Variants in TMEM102 observed in about 807,000 individuals in gnomAD.
The protein encoded by TMEM102 is transmembrane protein 102, also known as DANGER family member 2B.
Under a neutral mutation model 26.8 loss-of-function variants are expected in TMEM102, and 28 were observed. The observed-to-expected ratio is 1.05, with a 90% CI of 0.77 to 1.43. The LOEUF (loss-of-function observed/expected upper bound fraction) is 1.43, where lower values mean the gene tolerates loss of function less well. Ranked by LOEUF, TMEM102 falls within the 40% of genes most tolerant of loss-of-function variation. TMEM102 has a pLI of 0.00. For synonymous variants in TMEM102, 306 were observed against 332.1 expected (o/e 0.92, Z 0.86); for missense variants, 677 against 705.6 (o/e 0.96, Z 0.46).
rs1567671361 is a variant in TMEM102, at chr17:7,435,967, G to T, written c.96G>T (p.Ala32=). 2 of 1,613,242 alleles carry T rather than the reference G, an allele frequency of 1.2e-6. No homozygotes were observed. The highest frequency in any genetic ancestry group is 1.1e-5 in the South Asian group (1 of 91,080). Residue 32 remains alanine, a synonymous_variant, in exon 2 of 3, where the codon GCG becomes GCT. Coordinates refer to ENST00000323206, the MANE Select transcript of TMEM102 (RefSeq NM_178518.3). ...CGGACATCGACTTCTGCTCCGGGGC[G>T]CAGCTGCAGGAATTGACCCAGCTGA... ...PLTDIDFCSG[A]QLQELTQLIQ...
rs555967670 is a variant in TMEM102, at chr17:7,437,299, G to A, written c.1320G>A (p.Glu440=). 1.3e-5 allele frequency: 20 copies of A among 1,548,884 alleles called. No individual in the cohort carries two copies. In the South Asian group the frequency reaches 1.6e-4, roughly 12 times the overall value. The change falls in exon 3 of 3, where the codon GAG becomes GAA. Residue 440 remains glutamate, a synonymous_variant. Transcript: ENST00000323206. The surrounding 1 kb of genome is among the most constrained non-coding windows in gnomAD (Gnocchi z 4.2). ...CCTGCTGCCTCGGGCTGCTAGACGAGCTCGGCCGAGTGCTCGAGGCCGGGA... is the reference window on the plus strand; with the variant it reads ...CCTGCTGCCTCGGGCTGCTAGACGAACTCGGCCGAGTGCTCGAGGCCGGGA... The part of the protein sequence containing the change: ...AGACCLGLLD[E]LGRVLEAGTL...
Position 7,436,432 on chromosome 17 carries a change from C to T in TMEM102, c.453C>T (p.Cys151=), listed in dbSNP as rs1174653013. 3 of 1,613,920 alleles carry T rather than the reference C, an allele frequency of 1.9e-6. No individual in the cohort carries two copies. The highest frequency in any genetic ancestry group is 2.5e-6 in the Non-Finnish European group (3 of 1,180,030). The change falls in exon 3 of 3, where the codon TGC becomes TGT. Residue 151 remains cysteine (C), a synonymous_variant. Coordinates refer to ENST00000323206, the MANE Select transcript of TMEM102 (RefSeq NM_178518.3). ...AGGTCTGCCTCCCAGAGATGGTGTGCGGAACCCCCATCCGGGAGATGTGGC... is the reference window on the plus strand; with the variant it reads ...AGGTCTGCCTCCCAGAGATGGTGTGTGGAACCCCCATCCGGGAGATGTGGC... The part of the protein sequence containing the change: ...YAQVCLPEMV[C]GTPIREMWQD...
In TMEM102 at chr17:7,436,735, G is replaced by A. The variant is rs749535709; in HGVS notation, c.756G>A (p.Ser252=). Reference sequence around the variant, plus strand: ...TCGAAAGCCCAGTCCCAAAGCCGTCGGAGGCTCGGGAAGCGTGGCCCACAT... The same window carrying A: ...TCGAAAGCCCAGTCCCAAAGCCGTCAGAGGCTCGGGAAGCGTGGCCCACAT... ...AAVESPVPKP[S]EAREAWPTLC... Residue 252 remains serine (S), a synonymous_variant, in exon 3 of 3, where the codon TCG becomes TCA. Coordinates refer to ENST00000323206, the MANE Select transcript of TMEM102 (RefSeq NM_178518.3). 65 of 1,613,708 alleles carry A rather than the reference G, an allele frequency of 4.0e-5. No homozygotes were observed. In the Middle Eastern group the frequency reaches 6.6e-4, roughly 16 times the overall value.
At chr17:7,435,780 C>G in intron 1 of TMEM102, 73 bp from the exon 2 acceptor site, 1 of 1,219,300 alleles carries the variant, frequency 8.2e-7, no homozygotes, top group South Asian at 1.4e-5. Flanking sequence ...GGCACTCGCT[C>G]GGCCTCAGGA....
rs1908106475 is a variant in TMEM102 at position 7,437,533 on chromosome 17, G to A, written c.*27G>A. 7.6e-7 allele frequency: 1 copy of A among 1,320,244 alleles called. No individual in the cohort carries two copies. The highest frequency in any genetic ancestry group is 2.2e-4 in the Middle Eastern group (1 of 4,450). The allele number at this position is 1,320,244 out of a possible 1,614,324, so 81.8% of individuals were successfully genotyped here. A position where few individuals can be genotyped will look rare whatever the true frequency, so the allele number is the denominator to read the frequency against. On this transcript the variant is annotated 3_prime_UTR_variant, in exon 3 of 3. Coordinates refer to ENST00000323206, the MANE Select transcript of TMEM102 (RefSeq NM_178518.3). The surrounding 1 kb of genome is among the most constrained non-coding windows in gnomAD (Gnocchi z 4.2). ...GACGCTGTTCCTACCAGTGGAAAGT[G>A]CCTCTGTGGGCGAGCGGGACGTGGG...
chr17:7,437,627 A>C lies in TMEM102; in HGVS notation c.*121A>C, dbSNP rs1908114369. 3 of 715,506 alleles carry C rather than the reference A, an allele frequency of 4.2e-6. No individual in the cohort carries two copies. Among genetic ancestry groups the C allele is most frequent in the South Asian group, 7.3e-5 (2 of 27,494 alleles). The allele number at this position is 715,506 out of a possible 1,614,324, so 44.3% of individuals were successfully genotyped here. On this transcript the variant is annotated 3_prime_UTR_variant, in exon 3 of 3. Transcript: ENST00000323206. This position sits in a 1 kb window ranked among gnomAD's most constrained non-coding sequence, Gnocchi z 4.2. The stretch of plus-strand genomic sequence containing the variant: ...GGGCCTGAAGCCCCCCTTCTGGAAG[A>C]CCTCCCTGTTGGTTCCTCCTCTACG...
Position 7,437,178 on chromosome 17 carries a change from C to G in TMEM102, c.1199C>G (p.Thr400Ser), listed in dbSNP as rs1597739747. The G allele has an allele frequency of 6.7e-7, 1 of 1,490,800 alleles. No homozygotes were observed. The highest frequency in any genetic ancestry group is 8.9e-7 in the Non-Finnish European group (1 of 1,128,642). 92.3% of individuals were successfully genotyped at this position (1,490,800 alleles called of 1,614,324 possible). A position where few individuals can be genotyped will look rare whatever the true frequency, so the allele number is the denominator to read the frequency against. The change falls in exon 3 of 3, where the codon ACC (threonine) becomes AGC (serine). Residue 400 changes from threonine to serine, a missense_variant. Thr to Ser is a moderately conservative substitution (Grantham distance 58). Transcript: ENST00000323206. The surrounding 1 kb of genome is among the most constrained non-coding windows in gnomAD (Gnocchi z 4.2). Reference sequence around the variant, plus strand: ...CTACTGCGCCCGCTGGTGGCCGGGACCCGGGCGGCGGCGCCCTACCTCCTG... The same window carrying G: ...CTACTGCGCCCGCTGGTGGCCGGGAGCCGGGCGGCGGCGCCCTACCTCCTG... ...QALLRPLVAG[T>S]RAAAPYLLRT...
chr17:7,436,003 G>A lies in TMEM102; in HGVS notation c.132G>A (p.Leu44=), dbSNP rs777331968. Residue 44 remains leucine (L), a synonymous_variant, in exon 2 of 3, where the codon CTG becomes CTA. Transcript: ENST00000323206. ...AATTGACCCAGCTGATCCAGGAGCT[G>A]GGTGTGCAGGAGAGCTGGAGTGACG... ...LQELTQLIQE[L]GVQESWSDGP... 7 of 1,613,556 alleles carry A rather than the reference G, an allele frequency of 4.3e-6. No homozygotes were observed. The Admixed American group carries it at 6.7e-5, about 15-fold the overall frequency.
At position 7,437,566 on chromosome 17, in the gene TMEM102, G is replaced by A. The variant is rs966908113; in HGVS notation, c.*60G>A. 8 of 1,181,982 alleles carry A rather than the reference G, an allele frequency of 6.8e-6. No individual in the cohort carries two copies. In the African/African-American group the frequency reaches 9.7e-5, roughly 14 times the overall value. 73.2% of individuals were successfully genotyped at this position (1,181,982 alleles called of 1,614,324 possible). A position where few individuals can be genotyped will look rare whatever the true frequency, so the allele number is the denominator to read the frequency against. ...GGGCGAGCGGGACGTGGGGGGCCCTGCTCGCCCCTCGCCAGGGGGACTGAC... is the reference window on the plus strand; with the variant it reads ...GGGCGAGCGGGACGTGGGGGGCCCTACTCGCCCCTCGCCAGGGGGACTGAC... On this transcript the variant is annotated 3_prime_UTR_variant, in exon 3 of 3. Coordinates refer to ENST00000323206, the MANE Select transcript of TMEM102 (RefSeq NM_178518.3). This position sits in a 1 kb window ranked among gnomAD's most constrained non-coding sequence, Gnocchi z 4.2.
Position 7,437,107 on chromosome 17 carries a change from G to T in TMEM102, c.1128G>T (p.Ala376=). ...CCCGCCAGGAGCTGGCGCTCAAAGC[G>T]CGCATACCAGCGCCGCTGCTGCAGG... ...CFARQELALK[A]RIPAPLLQAH... Residue 376 remains alanine (A), a synonymous_variant, in exon 3 of 3, where the codon GCG becomes GCT. Coordinates refer to ENST00000323206, the MANE Select transcript of TMEM102 (RefSeq NM_178518.3). The surrounding 1 kb of genome is among the most constrained non-coding windows in gnomAD (Gnocchi z 4.2). 1 of 1,473,736 alleles carries T rather than the reference G, an allele frequency of 6.8e-7. No individual in the cohort carries two copies. Among genetic ancestry groups the T allele is most frequent in the Non-Finnish European group, 8.9e-7 (1 of 1,125,242 alleles). The allele number at this position is 1,473,736 out of a possible 1,614,324, so 91.3% of individuals were successfully genotyped here. A position where few individuals can be genotyped will look rare whatever the true frequency, so the allele number is the denominator to read the frequency against.
At position 7,436,763 on chromosome 17, in the gene TMEM102, T is replaced by G. The variant is rs779491141; in HGVS notation, c.784T>G (p.Cys262Gly). Residue 262 changes from cysteine (C) to glycine (G), a missense_variant, in exon 3 of 3, where the codon TGT (cysteine) becomes GGT (glycine). Transcript: ENST00000323206. ...SEAREAWPTL[C>G]SAQVAAWFFA... The stretch of plus-strand genomic sequence containing the variant: ...GGCTCGGGAAGCGTGGCCCACATTA[T>G]GTTCCGCCCAGGTGGCTGCCTGGTT... The G allele has an allele frequency of 6.2e-7, 1 of 1,613,728 alleles. No homozygotes were observed. The highest frequency in any genetic ancestry group is 8.5e-7 in the Non-Finnish European group (1 of 1,180,034).
In TMEM102 at chr17:7,437,321, G is replaced by A. The variant is rs778366959; in HGVS notation, c.1342G>A (p.Gly448Arg). 6.4e-7 allele frequency: 1 copy of A among 1,562,260 alleles called. No individual in the cohort carries two copies. The highest frequency in any genetic ancestry group is 8.6e-7 in the Non-Finnish European group (1 of 1,157,078). The change falls in exon 3 of 3, where the codon GGG becomes AGG. Residue 448 changes from glycine to arginine, a missense_variant. Transcript: ENST00000323206. The surrounding 1 kb of genome is among the most constrained non-coding windows in gnomAD (Gnocchi z 4.2). The stretch of plus-strand genomic sequence containing the variant: ...CGAGCTCGGCCGAGTGCTCGAGGCC[G>A]GGACGTTGCCTCACTATTTTCTGAA... The part of the protein sequence containing the change: ...LDELGRVLEA[G>R]TLPHYFLNGR...
rs192646505 is a variant in TMEM102 at position 7,437,392 on chromosome 17, A to G, written c.1413A>G (p.Gly471=). The G allele has an allele frequency of 1.0e-3, 1,610 of 1,547,074 alleles. 16 individuals are homozygous for G. The East Asian group carries it at 0.023, about 22-fold the overall frequency. The change falls in exon 3 of 3, where the codon GGA becomes GGG. Residue 471 remains glycine (G), a synonymous_variant. Transcript: ENST00000323206. This position sits in a 1 kb window ranked among gnomAD's most constrained non-coding sequence, Gnocchi z 4.2. The stretch of plus-strand genomic sequence containing the variant: ...GGGACGACTCCGCTGCGCTGCTCGG[A>G]GAATTGGCCCGGCTCCGCGGGGACC... ...RTGDDSAALL[G]ELARLRGDPA...
rs1379938552 is a variant in TMEM102, at chr17:7,436,671, C to G, written c.692C>G (p.Pro231Arg). 1.2e-6 allele frequency: 2 copies of G among 1,613,864 alleles called. No homozygotes were observed. The highest frequency in any genetic ancestry group is 3.3e-5 in the Admixed American group (2 of 60,020). ...GTCGTCGACCTTGGCTCTACCGCAC[C>G]TTTGAAAACAATGAGTAGTGACGTC... Reference protein sequence around the residue: ...HDVVDLGSTAPLKTMSSDVTK... With the variant: ...HDVVDLGSTARLKTMSSDVTK... Residue 231 changes from proline to arginine, a missense_variant, in exon 3 of 3, where the codon CCT becomes CGT. Physicochemically the swap from Pro to Arg is moderately radical, Grantham distance 103. Coordinates refer to ENST00000323206, the MANE Select transcript of TMEM102 (RefSeq NM_178518.3).
chr17:7,437,197 C>T lies in TMEM102; in HGVS notation c.1218C>T (p.Tyr406=), dbSNP rs2044995288. The change falls in exon 3 of 3, where the codon TAC becomes TAT. Residue 406 remains tyrosine, a synonymous_variant. Coordinates refer to ENST00000323206, the MANE Select transcript of TMEM102 (RefSeq NM_178518.3). This position sits in a 1 kb window ranked among gnomAD's most constrained non-coding sequence, Gnocchi z 4.2. Reference sequence around the variant, plus strand: ...CCGGGACCCGGGCGGCGGCGCCCTACCTCCTGCGGACGCTGCTGTACTGGG... The same window carrying T: ...CCGGGACCCGGGCGGCGGCGCCCTATCTCCTGCGGACGCTGCTGTACTGGG... The part of the protein sequence containing the change: ...LVAGTRAAAP[Y]LLRTLLYWAC... 1 of 1,502,768 alleles carries T rather than the reference C, an allele frequency of 6.7e-7. No individual in the cohort carries two copies. Among genetic ancestry groups the T allele is most frequent in the African/African-American group, 1.5e-5 (1 of 68,392 alleles). The allele number at this position is 1,502,768 out of a possible 1,614,324, so 93.1% of individuals were successfully genotyped here.
chr17:7,436,564 C>A lies in TMEM102; in HGVS notation c.585C>A (p.Ser195Arg). ...DWQSSVDQPH[S>R]YVTEHEAPVS... Reference sequence around the variant, plus strand: ...AAAGCTCTGTAGACCAGCCGCACAGCTACGTCACTGAGCACGAGGCGCCGG... The same window carrying A: ...AAAGCTCTGTAGACCAGCCGCACAGATACGTCACTGAGCACGAGGCGCCGG... Residue 195 changes from serine to arginine, a missense_variant, in exon 3 of 3, where the codon AGC (serine) becomes AGA (arginine). Physicochemically the swap from Ser to Arg is moderately radical, Grantham distance 110. Transcript: ENST00000323206. 6.2e-7 allele frequency: 1 copy of A among 1,614,094 alleles called. No homozygotes were observed. The highest frequency in any genetic ancestry group is 1.6e-4 in the Middle Eastern group (1 of 6,062).
Position 7,437,440 on chromosome 17 carries a change from G to T in TMEM102, c.1461G>T (p.Ala487=). The T allele has an allele frequency of 6.8e-7, 1 of 1,461,040 alleles. No homozygotes were observed. The highest frequency in any genetic ancestry group is 9.0e-7 in the Non-Finnish European group (1 of 1,107,130). The allele number at this position is 1,461,040 out of a possible 1,614,324, so 90.5% of individuals were successfully genotyped here. A position where few individuals can be genotyped will look rare whatever the true frequency, so the allele number is the denominator to read the frequency against. Reference sequence around the variant, plus strand: ...ACCCGGCCCGGGCCCTCCGTGCCGCGGTGGAGGAGGCCAAAGTGGCCCGCA... The same window carrying T: ...ACCCGGCCCGGGCCCTCCGTGCCGCTGTGGAGGAGGCCAAAGTGGCCCGCA... ...RGDPARALRA[A]VEEAKVARKG... is the part of the protein sequence containing the mutation. Residue 487 remains alanine, a synonymous_variant, in exon 3 of 3, where the codon GCG becomes GCT. Transcript: ENST00000323206. The surrounding 1 kb of genome is among the most constrained non-coding windows in gnomAD (Gnocchi z 4.2).
In TMEM102 at chr17:7,437,401, C is replaced by T. The variant is rs369868893; in HGVS notation, c.1422C>T (p.Ala474=). ...CCGCTGCGCTGCTCGGAGAATTGGCCCGGCTCCGCGGGGACCCGGCCCGGG... is the reference window on the plus strand; with the variant it reads ...CCGCTGCGCTGCTCGGAGAATTGGCTCGGCTCCGCGGGGACCCGGCCCGGG... ...DDSAALLGEL[A]RLRGDPARAL... The change falls in exon 3 of 3, where the codon GCC becomes GCT. Residue 474 remains alanine (A), a synonymous_variant. Coordinates refer to ENST00000323206, the MANE Select transcript of TMEM102 (RefSeq NM_178518.3). This position sits in a 1 kb window ranked among gnomAD's most constrained non-coding sequence, Gnocchi z 4.2. 4.7e-3 allele frequency: 7,238 copies of T among 1,533,600 alleles called. 26 individuals carry two copies. The highest frequency in any genetic ancestry group is 5.6e-3 in the Non-Finnish European group (6,330 of 1,140,066). The allele number at this position is 1,533,600 out of a possible 1,614,324, so 95.0% of individuals were successfully genotyped here. A position where few individuals can be genotyped will look rare whatever the true frequency, so the allele number is the denominator to read the frequency against.
chr17:7,436,706 G>A lies in TMEM102; in HGVS notation c.727G>A (p.Ala243Thr), dbSNP rs142866620. Reference sequence around the variant, plus strand: ...AATGAGTAGTGACGTCACCAAGGCAGCCGTCGAAAGCCCAGTCCCAAAGCC... The same window carrying A: ...AATGAGTAGTGACGTCACCAAGGCAACCGTCGAAAGCCCAGTCCCAAAGCC... ...KTMSSDVTKA[A>T]VESPVPKPSE... is the part of the protein sequence containing the mutation. The change falls in exon 3 of 3, where the codon GCC (alanine) becomes ACC (threonine). Residue 243 changes from alanine to threonine, a missense_variant. Coordinates refer to ENST00000323206, the MANE Select transcript of TMEM102 (RefSeq NM_178518.3). 110 of 1,613,828 alleles carry A rather than the reference G, an allele frequency of 6.8e-5. 1 individual carries two copies. In the East Asian group the frequency reaches 2.1e-3, roughly 31 times the overall value.
Sources: allele counts gnomAD v4.1 joint callset, GRCh38; gene constraint gnomAD v4.1.1; non-coding constraint Gnocchi (gnomAD v3.1); transcripts MANE v1.5; gene names NCBI Gene and HGNC (gene_info 2026-07-23, HGNC 2026-07-21).